The following USP34 variants were observed in gnomAD, a reference collection of about 807,000 sequenced individuals.
USP34 encodes the protein ubiquitin specific peptidase 34.
In USP34, 70 loss-of-function variants were observed where a neutral mutation model predicts 460.3. The observed-to-expected ratio is 0.15, with a 90% CI of 0.13 to 0.19. The LOEUF (loss-of-function observed/expected upper bound fraction) is 0.19. Among genes scored for constraint, USP34 ranks in the 10% least tolerant of loss-of-function variants. The pLI is 1.00. For missense variants in USP34, 3,985 were observed against 4,236.2 expected, an observed-to-expected ratio of 0.94 and a Z score of 1.65; for synonymous variants, 1,647 against 1,405.3, an observed-to-expected ratio of 1.17 and a Z score of -3.85.
chr2:61,234,031 A>C (rs1442608918), intron 57 of USP34, among the ~76,000 whole-genome samples: 1 of 152,098 alleles, frequency 6.6e-6, no homozygotes, highest in Non-Finnish European at 1.5e-5. Flanking sequence ...GGAATAGGGG[A>C]TAGATGAAAC....
chr2:61,296,614 C>G (rs1401448453), intron 30 of USP34, among the ~76,000 whole-genome samples, 186 bp downstream of exon 30: 1 of 152,084 alleles, frequency 6.6e-6, no homozygotes, highest in Non-Finnish European at 1.5e-5. Context: ...CATTATTCAC[C>G]CATTATTCAC....
chr2:61,358,051 G>C (rs1341811094), intron 10 of USP34, among the ~76,000 whole-genome samples: 1 of 152,092 alleles, frequency 6.6e-6, no homozygotes, highest in Non-Finnish European at 1.5e-5. Flanking sequence ...AATTTGCTGG[G>C]TGTGGTGGCA....
At chr2:61,228,791 T>C in intron 60 of USP34, 36 bp downstream of exon 60, 1 of 1,587,412 alleles carries the variant, frequency 6.3e-7, no homozygotes. Context: ...TGAAAAAAGG[T>C]AGATAATCAA....
chr2:61,235,594 G>T (rs534513227), intron 57 of USP34, among the ~76,000 whole-genome samples: 1 of 151,890 alleles, frequency 6.6e-6, no homozygotes, highest in Non-Finnish European at 1.5e-5. Flanking sequence ...AAGGTGCTGG[G>T]GTTACAGGCG....
intron 1 of USP34, among the ~76,000 whole-genome samples, chr2:61,463,863 T>C (rs1695680885): frequency 1.3e-5 from 2 of 151,044 alleles, no homozygotes; most frequent in African/African-American, 2.4e-5. Context: ...TAGCCTAATC[T>C]GGGATTAAGT....
intron 30 of USP34, among the ~76,000 whole-genome samples, chr2:61,295,635 T>C (rs989514435): frequency 3.3e-5 from 5 of 152,362 alleles, no homozygotes; most frequent in African/African-American, 1.2e-4. Flanking sequence ...CTGTACTTAA[T>C]AGTTACAACT....
In USP34 at chr2:61,396,942, T is replaced by C. The variant is rs576151293; in HGVS notation, c.553-1709A>G. ...TAATCAAGTGATTTTTAAGGTTACA[T>C]CTTTAAAATGCTGTCTGAAAATAAG... On this transcript the variant is annotated intron_variant, in intron 3 of 79. Transcript: ENST00000398571. Among the ~76,000 whole-genome samples, 292 of 152,304 alleles carry C rather than the reference T, an allele frequency of 1.9e-3. 1 individual carries two copies. Among genetic ancestry groups the C allele is most frequent in the African/African-American group, 6.9e-3 (285 of 41,572 alleles).
intron 33 of USP34, among the ~76,000 whole-genome samples, chr2:61,289,939 T>C (rs746825785): frequency 1.3e-5 from 2 of 152,112 alleles, no homozygotes; most frequent in African/African-American, 2.4e-5. Flanking sequence ...GCTGTCAGTA[T>C]AATGAAAAAG....
intron 1 of USP34, among the ~76,000 whole-genome samples, chr2:61,463,966 T>C (rs919203969): frequency 6.6e-6 from 1 of 151,966 alleles, no homozygotes; most frequent in African/African-American, 2.4e-5. Context: ...GATGACAGAG[T>C]ACCTCCCTCA....
intron 1 of USP34, among the ~76,000 whole-genome samples, chr2:61,468,026 A>G (rs572139681): frequency 1.3e-5 from 2 of 152,226 alleles, no homozygotes; most frequent in East Asian, 3.9e-4. Flanking sequence ...TGCAAATGAG[A>G]TCACAAGAAA....
At chr2:61,405,646 G>C in intron 3 of USP34, 62 bp downstream of exon 3, 1 of 1,404,768 alleles carries the variant, frequency 7.1e-7, no homozygotes, top group Non-Finnish European at 9.6e-7. Flanking sequence ...TTATCAGTAA[G>C]AAACAGACTG....
intron 1 of USP34, among the ~76,000 whole-genome samples, chr2:61,449,275 G>T (rs1478801636): frequency 2.0e-5 from 3 of 149,628 alleles, no homozygotes; most frequent in African/African-American, 7.4e-5. Context: ...AAAAAAGTAG[G>T]AAACTACAAA....
chr2:61,208,719 A>G, intron 70 of USP34, 180 bp downstream of exon 70: 1 of 362,956 alleles, frequency 2.8e-6, no homozygotes, highest in Non-Finnish European at 5.0e-6. Context: ...AAGGAACAGC[A>G]CCCTAAAAAT....
chr2:61,326,261 G>A (rs539177476), intron 20 of USP34, among the ~76,000 whole-genome samples: 155 of 152,282 alleles, frequency 1.0e-3, no homozygotes, highest in Non-Finnish European at 1.9e-3. Flanking sequence ...AGGCTGGAGT[G>A]CAGTGACAGA....
chr2:61,316,194 A>G (rs1690740401), intron 23 of USP34, among the ~76,000 whole-genome samples: 2 of 152,058 alleles, frequency 1.3e-5, no homozygotes, highest in Admixed American at 6.6e-5. Context: ...TCAGAGTGAT[A>G]CTGAAGCAAG....
intron 53 of USP34, among the ~76,000 whole-genome samples, chr2:61,237,246 G>C (rs962759758): frequency 6.6e-6 from 1 of 152,094 alleles, no homozygotes; most frequent in Non-Finnish European, 1.5e-5. Context: ...TCTGTATCAG[G>C]CAGAGTCTGA....
intron 41 of USP34, among the ~76,000 whole-genome samples, chr2:61,271,950 C>G (rs1033391070): frequency 2.0e-5 from 3 of 152,050 alleles, no homozygotes; most frequent in Admixed American, 1.3e-4. Context: ...TACAAGAAAA[C>G]CAACTGCCTT....
rs372292264 is a variant in USP34, at chr2:61,304,433, A to G, written c.3818-2979T>C. 1.4e-4 allele frequency among the ~76,000 whole-genome samples: 22 copies of G among 152,206 alleles called. No homozygotes were observed. In the East Asian group the frequency reaches 1.5e-3, roughly 11 times the overall value. ...TAATGACAAGTGTTATGGTTTGAAT[A>G]TAAGTGTTCCCCAAATCTGTATGTC... On this transcript the variant is annotated intron_variant, in intron 27 of 79. Coordinates refer to ENST00000398571, the MANE Select transcript of USP34 (RefSeq NM_014709.4).
chr2:61,201,761 G>A (rs1039249974), intron 75 of USP34, among the ~76,000 whole-genome samples: 7 of 152,186 alleles, frequency 4.6e-5, no homozygotes, highest in African/African-American at 1.4e-4. Context: ...AAAGCTGTCC[G>A]AGTAGCTAGA....
Sources: gnomAD v4.1 joint callset for allele counts (sites outside exome capture counted in the v4.1 genomes callset) on GRCh38, gnomAD v4.1.1 for gene constraint, MANE v1.5 for transcripts, NCBI Gene and HGNC (gene_info 2026-07-23, HGNC 2026-07-21) for gene names.